The following IL12RB2 variants were observed in gnomAD, a reference collection of about 807,000 sequenced individuals.
IL12RB2 encodes interleukin-12 receptor subunit beta-2.
Under a neutral mutation model 89.4 loss-of-function variants are expected in IL12RB2, and 82 were observed. The observed-to-expected ratio is 0.92, with a 90% confidence interval of 0.77 to 1.10. The LOEUF is 1.10. Ranked by LOEUF, IL12RB2 falls within the 50% of genes least tolerant of loss-of-function variation. The pLI, the probability that IL12RB2 is intolerant of heterozygous loss-of-function variation, is 0.00. For missense variants in IL12RB2, 963 were observed against 1,031.9 expected (o/e 0.93, Z 0.92); for synonymous variants, 368 against 370.1 (o/e 0.99, Z 0.07).
chr1:67,332,891 G>C (rs1658279916), intron 8 of IL12RB2, among the ~76,000 whole-genome samples: 1 of 152,122 alleles, frequency 6.6e-6, no homozygotes, highest in Non-Finnish European at 1.5e-5. Flanking sequence ...TGTGTGAAAA[G>C]GTTTTTCTTT....
At position 67,387,930 on chromosome 1, in the gene IL12RB2, C is replaced by A. The variant is rs929143831; in HGVS notation, c.1946+1261C>A. The stretch of plus-strand genomic sequence containing the variant: ...CCGGGGCTCATGCCTGTAATCTCAG[C>A]ACTTTGGGAGGCTGAGGCAGGCAGA... On this transcript the variant is annotated intron_variant, in intron 15 of 16. Coordinates refer to ENST00000674203, the MANE Select transcript of IL12RB2 (RefSeq NM_001374259.2). Among the ~76,000 whole-genome samples, 14 of 152,216 alleles carry A rather than the reference C, an allele frequency of 9.2e-5. No homozygotes were observed. In the East Asian group the frequency reaches 2.7e-3, roughly 29 times the overall value.
intron 3 of IL12RB2, among the ~76,000 whole-genome samples, 159 bp downstream of exon 3, chr1:67,320,603 GTTATT>G (rs1015176151): frequency 3.3e-5 from 5 of 152,058 alleles, no homozygotes; most frequent in African/African-American, 1.2e-4. Flanking sequence ...ATAACTAATA[GTTATT>G]TTATTTAATT....
At chr1:67,339,616 C>T (rs998218846) in intron 9 of IL12RB2, among the ~76,000 whole-genome samples, 2 of 151,980 alleles carry the variant, frequency 1.3e-5, no homozygotes, top group Admixed American at 6.6e-5. Context: ...TCATAGAATG[C>T]GAAAGTTTCA....
chr1:67,390,023 CTA>C lies in IL12RB2; in HGVS notation c.1947-3_1947-2del. 9.1e-7 allele frequency: 1 copy of C among 1,097,690 alleles called. No individual in the cohort carries two copies. The allele number at this position is 1,097,690 out of a possible 1,614,324, so 68.0% of individuals were successfully genotyped here. ...AAGGAAATGTCACTGTTTTCTTTAT[CTA>C]TAGGGTGTTTGTTCTCCTAGCAGCC... On this transcript the variant is annotated splice_region_variant and splice_polypyrimidine_tract_variant and intron_variant, in intron 15 of 16. Transcript: ENST00000674203.
At chr1:67,320,856 A>G (rs933733860) in intron 3 of IL12RB2, among the ~76,000 whole-genome samples, 34 of 152,090 alleles carry the variant, frequency 2.2e-4, no homozygotes, top group African/African-American at 8.0e-4. Context: ...CGTCAACTAC[A>G]TTAGGTATTT....
chr1:67,373,670 G>C (rs1203993838), intron 13 of IL12RB2, among the ~76,000 whole-genome samples: 3 of 152,188 alleles, frequency 2.0e-5, no homozygotes, highest in African/African-American at 7.2e-5. Context: ...TGCCACACTT[G>C]ATGTTCCAAT....
intron 14 of IL12RB2, 138 bp from the exon 15 acceptor site, chr1:67,386,441 A>T: frequency 2.7e-6 from 2 of 743,506 alleles, no homozygotes; most frequent in South Asian, 2.8e-5. Context: ...CTGCATAGAC[A>T]AAAGTGAATT....
chr1:67,349,566 T>C (rs1416188692), intron 9 of IL12RB2, among the ~76,000 whole-genome samples: 1 of 152,170 alleles, frequency 6.6e-6, no homozygotes, highest in Non-Finnish European at 1.5e-5. Context: ...ATGCTGACTT[T>C]AGGGAAAGGC....
intron 15 of IL12RB2, among the ~76,000 whole-genome samples, chr1:67,387,867 T>C (rs1206700191): frequency 1.3e-5 from 2 of 151,848 alleles, no homozygotes; most frequent in African/African-American, 4.8e-5. Flanking sequence ...TGGTTATATA[T>C]AATATAAAAG....
intron 10 of IL12RB2, among the ~76,000 whole-genome samples, chr1:67,357,827 C>T (rs1478896715): frequency 1.3e-5 from 2 of 151,838 alleles, no homozygotes; most frequent in Non-Finnish European, 2.9e-5. Flanking sequence ...TGAAATTCTT[C>T]CATAAGGTGT....
At position 67,397,859 on chromosome 1, in the gene IL12RB2, G is replaced by GTACT. The variant is rs919585985; in HGVS notation, c.*1772_*1775dup. Among the ~76,000 whole-genome samples, 1 of 152,112 alleles carries GTACT rather than the reference G, an allele frequency of 6.6e-6. No individual in the cohort carries two copies. Among genetic ancestry groups the GTACT allele is most frequent in the Non-Finnish European group, 1.5e-5 (1 of 68,038 alleles). ...TTAACAAAGTACTTGTTGTAAATGT[G>GTACT]TACTTCTTGCCTAACGTGAGGAACT... On this transcript the variant is annotated 3_prime_UTR_variant, in exon 17 of 17. Transcript: ENST00000674203.
chr1:67,375,174 C>T (rs1269440531), intron 13 of IL12RB2, among the ~76,000 whole-genome samples: 6 of 151,944 alleles, frequency 3.9e-5, no homozygotes, highest in South Asian at 2.1e-4. Context: ...GTGGGCAGAT[C>T]GTTTGAGCCC....
rs1335781862 is a variant in IL12RB2 at position 67,326,799 on chromosome 1, C to T, written c.429C>T (p.Cys143=). 1 of 1,613,860 alleles carries T rather than the reference C, an allele frequency of 6.2e-7. No individual in the cohort carries two copies. The highest frequency in any genetic ancestry group is 1.7e-5 in the Admixed American group (1 of 60,004). The change falls in exon 5 of 17, where the codon TGC becomes TGT. Residue 143 remains cysteine (C), a synonymous_variant. Coordinates refer to ENST00000674203, the MANE Select transcript of IL12RB2 (RefSeq NM_001374259.2). Reference sequence around the variant, plus strand: ...AGGGAGAACAGGGGACTGTGGCCTGCACCTGGGAAAGAGGACGAGACACCC... The same window carrying T: ...AGGGAGAACAGGGGACTGTGGCCTGTACCTGGGAAAGAGGACGAGACACCC... The part of the protein sequence containing the change: ...IQKGEQGTVA[C]TWERGRDTHL...
chr1:67,381,530 G>A lies in IL12RB2; in HGVS notation c.1855+1407G>A, dbSNP rs764270499. 5.3e-5 allele frequency among the ~76,000 whole-genome samples: 8 copies of A among 152,172 alleles called. No individual in the cohort carries two copies. In the South Asian group the frequency reaches 8.3e-4, roughly 16 times the overall value. ...TGTAATCCCAGGACTTTGGGAGGCC[G>A]AGGAGGGCGGATCATGAGGTCAGGA... On this transcript the variant is annotated intron_variant, in intron 14 of 16. Coordinates refer to ENST00000674203, the MANE Select transcript of IL12RB2 (RefSeq NM_001374259.2).
At chr1:67,388,206 A>C (rs1665432078) in intron 15 of IL12RB2, among the ~76,000 whole-genome samples, 1 of 152,216 alleles carries the variant, frequency 6.6e-6, no homozygotes, top group Non-Finnish European at 1.5e-5. Flanking sequence ...GTAGAGCTGC[A>C]AGAAAAGAAA....
chr1:67,338,336 C>CAAAAAAAAAAAAAAAAAAAAAA (rs572505092), intron 8 of IL12RB2, among the ~76,000 whole-genome samples: 4 of 40,102 alleles, frequency 1.0e-4, no homozygotes, highest in Admixed American at 3.5e-4. Context: ...GATCCTGTCT[C>CAAAAAAAAAAAAAAAAAAAAAA]AAAAAAAAAA....
chr1:67,340,348 C>T (rs1253085380), intron 9 of IL12RB2, among the ~76,000 whole-genome samples: 1 of 152,172 alleles, frequency 6.6e-6, no homozygotes, highest in Non-Finnish European at 1.5e-5. Context: ...ATAGAAGAAC[C>T]CAGCCTAATT....
Position 67,368,030 on chromosome 1 carries a change from C to T in IL12RB2, c.1459+5C>T. On this transcript the variant is annotated splice_donor_5th_base_variant and intron_variant, in intron 11 of 16. Coordinates refer to ENST00000674203, the MANE Select transcript of IL12RB2 (RefSeq NM_001374259.2). ...ATGTGTCTGCTCTGATTTCAGGTAC[C>T]TAATTGTTCACCTTCCTTCTAGAGG... The T allele has an allele frequency of 3.2e-6, 5 of 1,564,466 alleles. No homozygotes were observed. The highest frequency in any genetic ancestry group is 3.5e-6 in the Non-Finnish European group (4 of 1,134,858).
chr1:67,370,117 T>G (rs1327506200), intron 11 of IL12RB2, among the ~76,000 whole-genome samples: 1 of 152,138 alleles, frequency 6.6e-6, no homozygotes, highest in Non-Finnish European at 1.5e-5. Flanking sequence ...TATTAGCTTA[T>G]GTTGATGTTA....
Sources: allele counts gnomAD v4.1 joint callset (sites outside exome capture counted in the v4.1 genomes callset), GRCh38; gene constraint gnomAD v4.1.1; transcripts MANE v1.5; gene names NCBI Gene and HGNC (gene_info 2026-07-23, HGNC 2026-07-21).